TOMM70: variants seen among roughly 807,000 people sequenced by gnomAD.
TOMM70 encodes the protein translocase of outer mitochondrial membrane 70.
TOMM70 carries 13 observed loss-of-function variants against 73.6 expected under a neutral mutation model. That is an observed-to-expected ratio of 0.18 (90% CI 0.11 to 0.28). The LOEUF is 0.28. Ranked by LOEUF, TOMM70 falls within the 10% of genes least tolerant of loss-of-function variation. TOMM70 has a pLI of 1.00. For missense variants in TOMM70, 609 were observed against 747.5 expected, an observed-to-expected ratio of 0.81 and a Z score of 2.16; for synonymous variants, 257 against 271.2, an observed-to-expected ratio of 0.95 and a Z score of 0.51.
intron 9 of TOMM70, among the ~76,000 whole-genome samples, chr3:100,369,587 G>A (rs902651631): frequency 2.7e-5 from 4 of 149,520 alleles, no homozygotes; most frequent in African/African-American, 9.9e-5. Context: ...TGCAACCTCC[G>A]CCTCTTGGGT....
chr3:100,387,745 C>G (rs960322892), intron 1 of TOMM70, among the ~76,000 whole-genome samples: 1 of 151,564 alleles, frequency 6.6e-6, no homozygotes, highest in African/African-American at 2.4e-5. Flanking sequence ...AAGTGATTCT[C>G]CTGCCTCAGC....
intron 10 of TOMM70, among the ~76,000 whole-genome samples, chr3:100,368,715 C>A (rs1267537495): frequency 6.6e-6 from 1 of 152,056 alleles, no homozygotes; most frequent in African/African-American, 2.4e-5. Flanking sequence ...AGCTGGGAAT[C>A]GGGCATGTGC....
chr3:100,373,529 A>C lies in TOMM70; in HGVS notation c.1335+9T>G, dbSNP rs781359551. The C allele has an allele frequency of 1.4e-5, 23 of 1,586,274 alleles. No individual in the cohort carries two copies. Among genetic ancestry groups the C allele is most frequent in the Non-Finnish European group, 1.9e-5 (22 of 1,167,518 alleles). ...TGTTTAGGAAAATACAAAAGAAAGT[A>C]GTACCTACCAATGCAAAACATTTCT... On this transcript the variant is annotated intron_variant, in intron 8 of 11. Transcript: ENST00000284320.
chr3:100,375,417 T>C (rs1706551607), intron 6 of TOMM70, among the ~76,000 whole-genome samples: 1 of 152,206 alleles, frequency 6.6e-6, no homozygotes. Context: ...CTTCAGCCCC[T>C]AGAAAACACC....
rs779733579 is a variant in TOMM70 at position 100,375,139 on chromosome 3, G to C, written c.1106C>G (p.Ala369Gly). 3 of 1,599,482 alleles carry C rather than the reference G, an allele frequency of 1.9e-6. No individual in the cohort carries two copies. In the African/African-American group the frequency reaches 4.0e-5, roughly 22 times the overall value. ...GTACATGCTGCCTCTTTTGATGAGA[G>C]CATTTGCTCGAAGCTATATACCCCA... Reference protein sequence around the residue: ...KEANVKLRANALIKRGSMYMQ... With the variant: ...KEANVKLRANGLIKRGSMYMQ... Residue 369 changes from alanine to glycine, a missense_variant, in exon 7 of 12, where the codon GCT (alanine) becomes GGT (glycine). Coordinates refer to ENST00000284320, the MANE Select transcript of TOMM70 (RefSeq NM_014820.5).
At chr3:100,390,610 T>C (rs1405881668) in intron 1 of TOMM70, among the ~76,000 whole-genome samples, 1 of 152,140 alleles carries the variant, frequency 6.6e-6, no homozygotes, top group African/African-American at 2.4e-5. Context: ...GTAGATCATT[T>C]GAGATCAGGA....
At chr3:100,371,196 A>T (rs971827328) in intron 9 of TOMM70, among the ~76,000 whole-genome samples, 21 of 152,056 alleles carry the variant, frequency 1.4e-4, no homozygotes, top group African/African-American at 4.6e-4. Context: ...ACCATGAAGG[A>T]AATTAAAAAC....
chr3:100,400,730 C>G lies in TOMM70; in HGVS notation c.220G>C (p.Ala74Pro). ...TCGCTGTTGCGCTTCAGGCCGCTGG[C>G]GTCGCCCCGGCCTCTGGCCTCCCGG... Reference protein sequence around the residue: ...RRREARGRGDASGLKRNSERK... With the variant: ...RRREARGRGDPSGLKRNSERK... The change falls in exon 1 of 12, where the codon GCC becomes CCC. Residue 74 changes from alanine to proline, a missense_variant. Around this residue, in one of 2 missense-constraint regions of TOMM70, gnomAD observed 177 missense variants for 163.5 expected, o/e 1.08. Transcript: ENST00000284320. 1 of 1,606,540 alleles carries G rather than the reference C, an allele frequency of 6.2e-7. No homozygotes were observed. The highest frequency in any genetic ancestry group is 2.2e-5 in the East Asian group (1 of 44,680).
intron 1 of TOMM70, 38 bp downstream of exon 1, chr3:100,400,588 G>C (rs1183932991): frequency 6.3e-7 from 1 of 1,593,482 alleles, no homozygotes; most frequent in African/African-American, 1.3e-5. Context: ...AGCTGCACGA[G>C]CCAGTTTCCT....
intron 2 of TOMM70, 40 bp from the exon 3 acceptor site, chr3:100,386,384 A>G (rs772885976): frequency 1.3e-6 from 2 of 1,561,060 alleles, no homozygotes; most frequent in Non-Finnish European, 1.7e-6. Flanking sequence ...CACTAAAGAA[A>G]GTACTGTTCA....
Position 100,365,379 on chromosome 3 carries a change from A to G in TOMM70, c.*185T>C. The G allele has an allele frequency of 1.4e-6, 1 of 729,220 alleles. No homozygotes were observed. The highest frequency in any genetic ancestry group is 1.8e-5 in the African/African-American group (1 of 56,848). 45.2% of individuals were successfully genotyped at this position (729,220 alleles called of 1,614,324 possible). A position where few individuals can be genotyped will look rare whatever the true frequency, so the allele number is the denominator to read the frequency against. The stretch of plus-strand genomic sequence containing the variant: ...TTGCACAGGGAATAAAAGCTGCAAG[A>G]CTGCAAACTTCCTTCAACAGCCACA... On this transcript the variant is annotated 3_prime_UTR_variant, in exon 12 of 12. Coordinates refer to ENST00000284320, the MANE Select transcript of TOMM70 (RefSeq NM_014820.5).
chr3:100,384,983 G>A (rs952198139), intron 3 of TOMM70, among the ~76,000 whole-genome samples: 1 of 152,182 alleles, frequency 6.6e-6, no homozygotes, highest in African/African-American at 2.4e-5. Flanking sequence ...TCTTGCCACA[G>A]AGCTCTCAAA....
At chr3:100,365,868 C>T (rs1284999929) in intron 11 of TOMM70, 151 bp from the exon 12 acceptor site, 6 of 856,582 alleles carry the variant, frequency 7.0e-6, no homozygotes, top group Non-Finnish European at 7.0e-6. Flanking sequence ...AGTCTGACCA[C>T]TAAGTTTCTA....
In TOMM70 at chr3:100,372,729, AAAATC is replaced by A; in HGVS notation, c.1336-12_1336-8del. 6 of 1,610,296 alleles carry A rather than the reference AAAATC, an allele frequency of 3.7e-6. No homozygotes were observed. The highest frequency in any genetic ancestry group is 1.1e-5 in the South Asian group (1 of 90,244). On this transcript the variant is annotated splice_polypyrimidine_tract_variant and splice_region_variant and intron_variant, in intron 8 of 11. Transcript: ENST00000284320. ...CCGTATATGCCTGGCGGTACTATAAAAAATCAAAACAGGCCTGTCAAATCAAGAAC... is the reference window on the plus strand; with the variant it reads ...CCGTATATGCCTGGCGGTACTATAAAAAAACAGGCCTGTCAAATCAAGAAC...
intron 6 of TOMM70, among the ~76,000 whole-genome samples, chr3:100,376,720 A>T (rs1706570230): frequency 6.6e-6 from 1 of 152,052 alleles, no homozygotes; most frequent in South Asian, 2.1e-4. Context: ...TTAGGGCTCT[A>T]ATCCATTTTG....
At chr3:100,386,708 C>G in intron 2 of TOMM70, 97 bp downstream of exon 2, 1 of 1,417,662 alleles carries the variant, frequency 7.1e-7, no homozygotes, top group Non-Finnish European at 9.6e-7. Context: ...GAAACAACTT[C>G]AAAAAATGTA....
chr3:100,377,665 T>G, intron 6 of TOMM70, 40 bp downstream of exon 6: 1 of 1,577,848 alleles, frequency 6.3e-7, no homozygotes, highest in Non-Finnish European at 8.7e-7. Flanking sequence ...AGGCATCGCC[T>G]TCTATTTAAT....
At chr3:100,370,488 C>T (rs1018369294) in intron 9 of TOMM70, among the ~76,000 whole-genome samples, 1 of 152,044 alleles carries the variant, frequency 6.6e-6, no homozygotes, top group African/African-American at 2.4e-5. Context: ...ATTTTGAAAA[C>T]AAAAGCAGCA....
At chr3:100,372,808 T>C (rs1706525336) in intron 8 of TOMM70, 86 bp from the exon 9 acceptor site, 1 of 1,167,796 alleles carries the variant, frequency 8.6e-7, no homozygotes. Context: ...TACATAAATA[T>C]TTCCAAAAAA....
Sources: gnomAD v4.1 joint callset for allele counts (sites outside exome capture counted in the v4.1 genomes callset) on GRCh38, gnomAD v4.1.1 for gene constraint, gnomAD v4.1.1 regional missense constraint, MANE v1.5 for transcripts, NCBI Gene and HGNC (gene_info 2026-07-23, HGNC 2026-07-21) for gene names.